ACSL6: variants seen among roughly 807,000 people sequenced by gnomAD.
The protein encoded by ACSL6 is acyl-CoA synthetase long chain family member 6, also known as long-chain-fatty-acid--CoA ligase 6.
In ACSL6, 47 loss-of-function variants were observed where a neutral mutation model predicts 98.2. That is an observed-to-expected ratio of 0.48 (90% CI 0.38 to 0.61). ACSL6 has a LOEUF of 0.61. Ranked by LOEUF, ACSL6 falls within the 20% of genes least tolerant of loss-of-function variation. The pLI is 0.00. For missense variants in ACSL6, 761 were observed against 913.4 expected (o/e 0.83, Z 2.15); for synonymous variants, 362 against 336.9 (o/e 1.07, Z -0.82).
Position 131,990,925 on chromosome 5 carries a change from G to T in ACSL6, c.313C>A (p.Gln105Lys). 6.2e-7 allele frequency: 1 copy of T among 1,613,984 alleles called. No individual in the cohort carries two copies. The highest frequency in any genetic ancestry group is 8.5e-7 in the Non-Finnish European group (1 of 1,180,002). Residue 105 changes from glutamine (Q) to lysine (K), a missense_variant, in exon 3 of 21, where the codon CAG becomes AAG. Gln to Lys is a moderately conservative substitution (Grantham distance 53, BLOSUM62 1). Transcript: ENST00000651883. The part of the protein sequence containing the change: ...ARRSVIGSGP[Q>K]LLTHYYDDAR... ...TCATCATAGTAGTGGGTAAGTAGCT[G>T]AGGGCCAGACCCAATCACAGATCGC...
chr5:131,988,723 A>G, intron 6 of ACSL6, 82 bp downstream of exon 6: 4 of 1,565,988 alleles, frequency 2.6e-6, no homozygotes, highest in Non-Finnish European at 3.5e-6. Context: ...CGAGTGTCAG[A>G]CAATCAGCAT....
chr5:131,986,946 C>T, intron 7 of ACSL6, 92 bp from the exon 8 acceptor site: 1 of 1,191,060 alleles, frequency 8.4e-7, no homozygotes, highest in Non-Finnish European at 1.2e-6. Flanking sequence ...CTCACACACG[C>T]ACATACACAT....
At chr5:131,974,999 A>T (rs1473551269) in intron 10 of ACSL6, 29 bp from the exon 11 acceptor site, 5 of 1,610,138 alleles carry the variant, frequency 3.1e-6, no homozygotes, top group Admixed American at 1.7e-5. Context: ...GGAGACAGAA[A>T]GGAAAGAAAC....
chr5:132,008,040 T>G (rs369155621), intron 1 of ACSL6, among the ~76,000 whole-genome samples: 1 of 152,184 alleles, frequency 6.6e-6, no homozygotes, highest in Non-Finnish European at 1.5e-5. Context: ...GGTGTCAGTA[T>G]GTTCTTACCA....
At chr5:131,989,276 G>T in intron 5 of ACSL6, 131 bp downstream of exon 5, 2 of 869,044 alleles carry the variant, frequency 2.3e-6, no homozygotes, top group Non-Finnish European at 3.6e-6. Flanking sequence ...GAAGAGGAGT[G>T]GTGGCATAGC....
chr5:131,972,381 A>G (rs1203300470), intron 13 of ACSL6, among the ~76,000 whole-genome samples: 2 of 152,278 alleles, frequency 1.3e-5, no homozygotes, highest in African/African-American at 4.8e-5. Context: ...CACCATGGCC[A>G]GGATTACAGG....
chr5:132,002,860 TG>T (rs1392733809), intron 1 of ACSL6, among the ~76,000 whole-genome samples: 6 of 151,984 alleles, frequency 3.9e-5, no homozygotes, highest in Non-Finnish European at 8.8e-5. Flanking sequence ...CACTTAGCTA[TG>T]GGAGAAAGGA....
chr5:131,973,677 T>G (rs149105106), intron 11 of ACSL6: 3,260 of 305,720 alleles, frequency 0.011, 102 homozygotes, highest in African/African-American at 0.064. Flanking sequence ...CACTGGCGTG[T>G]GCCCCCCTCA....
chr5:131,988,555 C>G (rs751753699), intron 6 of ACSL6: 21 of 1,545,104 alleles, frequency 1.4e-5, no homozygotes, highest in Non-Finnish European at 1.8e-5. Flanking sequence ...GAGGGCTGTA[C>G]CCTGTGTGGA....
At chr5:131,970,015 G>T in intron 15 of ACSL6, 113 bp downstream of exon 15, 3 of 864,158 alleles carry the variant, frequency 3.5e-6, no homozygotes, top group Non-Finnish European at 3.9e-6. Flanking sequence ...TGTCTCTTTT[G>T]CTTTATTCCT....
chr5:131,994,768 G>A (rs253946), intron 1 of ACSL6: 107,379 of 172,496 alleles, frequency 0.62, 38,545 homozygotes, highest in Non-Finnish European at 0.8. Flanking sequence ...CCCTGAGTGA[G>A]AGCGAAGTGG....
Position 131,986,872 on chromosome 5 carries a change from T to C in ACSL6, c.832-18A>G, listed in dbSNP as rs1219720378. 6.2e-7 allele frequency: 1 copy of C among 1,614,096 alleles called. No individual in the cohort carries two copies. Among genetic ancestry groups the C allele is most frequent in the East Asian group, 2.2e-5 (1 of 44,888 alleles). The stretch of plus-strand genomic sequence containing the variant: ...CCACAGTCCTGAAAGAAGAAAATGC[T>C]GTTTTTAAATGCTCAAAAGTTCTCT... On this transcript the variant is annotated intron_variant, in intron 7 of 20. Transcript: ENST00000651883.
At chr5:131,998,213 C>A (rs1004575881) in intron 1 of ACSL6, among the ~76,000 whole-genome samples, 6 of 152,246 alleles carry the variant, frequency 3.9e-5, no homozygotes, top group Non-Finnish European at 7.4e-5. Context: ...GTGTGGACAG[C>A]ACTCAAGGGA....
chr5:132,011,694 A>C (rs1755746116), upstream of ACSL6: 1 of 1,267,202 alleles, frequency 7.9e-7, no homozygotes, highest in Non-Finnish European at 1.0e-6. The surrounding 1 kb of genome is among the most constrained non-coding windows in gnomAD (Gnocchi z 5.4). Context: ...CCGGCCCCGC[A>C]GCTCCCGCCT....
At chr5:131,997,159 A>C (rs983663630) in intron 1 of ACSL6, among the ~76,000 whole-genome samples, 14 of 152,184 alleles carry the variant, frequency 9.2e-5, no homozygotes, top group Admixed American at 2.6e-4. Flanking sequence ...CCTCAGTGGG[A>C]GGAAGAAGGG....
Position 131,990,147 on chromosome 5 carries a change from C to T in ACSL6, c.403G>A (p.Gly135Ser). 5.0e-6 allele frequency: 8 copies of T among 1,614,032 alleles called. No individual in the cohort carries two copies. Among genetic ancestry groups the T allele is most frequent in the Non-Finnish European group, 5.9e-6 (7 of 1,179,970 alleles). Reference sequence around the variant, plus strand: ...TAAGGCTGCTTAGGCTTCCTGAAACCAAGACAGGGCCCATTCCCTGTAGAG... The same window carrying T: ...TAAGGCTGCTTAGGCTTCCTGAAACTAAGACAGGGCCCATTCCCTGTAGAG... ...LSISGNGPCL[G>S]FRKPKQPYQW... Residue 135 changes from glycine to serine, a missense_variant, in exon 4 of 21, where the codon GGT becomes AGT. Coordinates refer to ENST00000651883, the MANE Select transcript of ACSL6 (RefSeq NM_001009185.3).
Position 131,960,577 on chromosome 5 carries a change from G to A in ACSL6, c.1902C>T (p.Pro634=). The A allele has an allele frequency of 6.2e-7, 1 of 1,614,090 alleles. No homozygotes were observed. The highest frequency in any genetic ancestry group is 1.1e-5 in the South Asian group (1 of 91,074). The change falls in exon 19 of 21, where the codon CCC becomes CCT. Residue 634 remains proline, a synonymous_variant. Coordinates refer to ENST00000651883, the MANE Select transcript of ACSL6 (RefSeq NM_001009185.3). ...GIVVPDPEVM[P]SWAQKRGIEG... ...CAATTCCTCTCTTCTGGGCCCAGGAGGGCATAACTTCAGGGTCAGGCACAA... is the reference window on the plus strand; with the variant it reads ...CAATTCCTCTCTTCTGGGCCCAGGAAGGCATAACTTCAGGGTCAGGCACAA...
At chr5:131,987,646 G>A (rs144561510) in intron 7 of ACSL6, among the ~76,000 whole-genome samples, 63 of 152,316 alleles carry the variant, frequency 4.1e-4, no homozygotes, top group African/African-American at 1.3e-3. Flanking sequence ...TCTGCTGGCC[G>A]CTGGGGGTCT....
At chr5:132,010,689 G>T (rs1430925292) in intron 1 of ACSL6, among the ~76,000 whole-genome samples, 2 of 152,192 alleles carry the variant, frequency 1.3e-5, no homozygotes, top group South Asian at 2.1e-4. Flanking sequence ...GCACATGGGG[G>T]TTGGGGTGGA....
Sources: gnomAD v4.1 joint callset for allele counts (sites outside exome capture counted in the v4.1 genomes callset) on GRCh38, gnomAD v4.1.1 for gene constraint, Gnocchi (gnomAD v3.1) non-coding constraint, MANE v1.5 for transcripts, NCBI Gene and HGNC (gene_info 2026-07-23, HGNC 2026-07-21) for gene names.